The following SPAG6 variants were observed in gnomAD, a reference collection of about 807,000 sequenced individuals.
SPAG6 encodes sperm associated antigen 6.
Under a neutral mutation model 58.5 loss-of-function variants are expected in SPAG6, and 49 were observed. The observed-to-expected ratio is 0.84, with a 90% CI of 0.67 to 1.06. The LOEUF (loss-of-function observed/expected upper bound fraction) is 1.06. Among genes scored for constraint, SPAG6 ranks in the 50% least tolerant of loss-of-function variants. The pLI is 0.00. For missense variants in SPAG6, 560 were observed against 611.3 expected (o/e 0.92, Z 0.89); for synonymous variants, 233 against 225.6 (o/e 1.03, Z -0.29).
intron 9 of SPAG6, 45 bp downstream of exon 9, chr10:22,401,322 TTTG>T (rs1396141311): frequency 4.0e-6 from 4 of 1,003,944 alleles, no homozygotes; most frequent in Non-Finnish European, 4.7e-6. Flanking sequence ...ATTAAAATGA[TTTG>T]TTGTTATTTT....
At chr10:22,372,472 A>G (rs184662264) in intron 4 of SPAG6, among the ~76,000 whole-genome samples, 1 of 152,288 alleles carries the variant, frequency 6.6e-6, no homozygotes, top group Admixed American at 6.5e-5. Flanking sequence ...TCCTCAGCTG[A>G]TGGCTCAGCC....
intron 8 of SPAG6, among the ~76,000 whole-genome samples, chr10:22,400,512 G>T (rs1015720722): frequency 2.0e-5 from 3 of 151,744 alleles, no homozygotes; most frequent in Non-Finnish European, 4.4e-5. Flanking sequence ...AGTGCAGGAG[G>T]GGGTAGAAAT....
At chr10:22,413,705 A>G (rs1309696880) in intron 10 of SPAG6, among the ~76,000 whole-genome samples, 3 of 151,074 alleles carry the variant, frequency 2.0e-5, no homozygotes, top group Admixed American at 2.0e-4. Context: ...ATATATATAT[A>G]TATTTCACCC....
intron 9 of SPAG6, among the ~76,000 whole-genome samples, chr10:22,403,206 C>T (rs1205749861): frequency 1.3e-5 from 2 of 152,010 alleles, no homozygotes; most frequent in Admixed American, 1.3e-4. Flanking sequence ...CATATGTATA[C>T]ATGTGCCGTG....
At chr10:22,396,707 TA>T (rs11362188) in intron 8 of SPAG6, among the ~76,000 whole-genome samples, 25,012 of 151,652 alleles carry the variant, frequency 0.16, 6,262 homozygotes, top group African/African-American at 0.54. Context: ...TGTTAAGAGG[TA>T]AAAAAAATAG....
At chr10:22,409,668 G>C (rs916889205) in intron 9 of SPAG6, among the ~76,000 whole-genome samples, 3 of 152,212 alleles carry the variant, frequency 2.0e-5, no homozygotes, top group African/African-American at 7.2e-5. Flanking sequence ...GAAGGAACAA[G>C]ATCAGAAAAA....
In SPAG6 at chr10:22,416,760, T is replaced by A; in HGVS notation, c.*72T>A. The A allele has an allele frequency of 2.4e-6, 2 of 826,728 alleles. No homozygotes were observed. The allele number at this position is 826,728 out of a possible 1,614,324, so 51.2% of individuals were successfully genotyped here. Reference sequence around the variant, plus strand: ...GTAACAGTAATTAAATCCTTCTAAATATTTGAACTAAGTATATTCTAGATT... The same window carrying A: ...GTAACAGTAATTAAATCCTTCTAAAAATTTGAACTAAGTATATTCTAGATT... On this transcript the variant is annotated 3_prime_UTR_variant, in exon 11 of 11. Coordinates refer to ENST00000376624, the MANE Select transcript of SPAG6 (RefSeq NM_012443.4).
intron 10 of SPAG6, among the ~76,000 whole-genome samples, chr10:22,415,606 A>T (rs1834849461): frequency 6.6e-6 from 1 of 152,210 alleles, no homozygotes; most frequent in African/African-American, 2.4e-5. Context: ...ACTACTAAGA[A>T]AATATGGCTG....
At position 22,345,805 on chromosome 10, in the gene SPAG6, G is replaced by A. The variant is rs1018566986; in HGVS notation, c.108G>A (p.Thr36=). Residue 36 remains threonine (T), a synonymous_variant, in exon 2 of 11, where the codon ACG becomes ACA. Transcript: ENST00000376624. The surrounding 1 kb of genome is among the most constrained non-coding windows in gnomAD (Gnocchi z 6.3). ...CGACTAGACCCCAAAACATCGAGAC[G>A]CTGCAGAACGCGGGTGAGCCCGGAG... ...ELATRPQNIE[T]LQNAGVMSLL... The A allele has an allele frequency of 6.2e-7, 1 of 1,613,236 alleles. No homozygotes were observed. The highest frequency in any genetic ancestry group is 1.3e-5 in the African/African-American group (1 of 74,888).
rs144853045 is a variant in SPAG6, at chr10:22,413,528, G to A, written c.1460+2352G>A. On this transcript the variant is annotated intron_variant, in intron 10 of 10. Transcript: ENST00000376624. ...GGCCTGGGTGACAGAGGGAGACTCC[G>A]TCTCACAAAAAAAAAAAATTAATCT... 9.7e-3 allele frequency among the ~76,000 whole-genome samples: 1,460 copies of A among 150,624 alleles called. 19 individuals are homozygous for A. Among genetic ancestry groups the A allele is most frequent in the Middle Eastern group, 0.045 (13 of 292 alleles).
In SPAG6 at chr10:22,407,314, C is replaced by T. The variant is rs1177335532; in HGVS notation, c.1315-3717C>T. Among the ~76,000 whole-genome samples the T allele has an allele frequency of 4.6e-5, 7 of 151,904 alleles. No homozygotes were observed. In the East Asian group the frequency reaches 7.7e-4, roughly 17 times the overall value. ...CCATGTTTAGCGCTTCCTTCAGGAG[C>T]TCTTTTAGGGCAGGCCTGGTGGTGA... On this transcript the variant is annotated intron_variant, in intron 9 of 10. Transcript: ENST00000376624.
chr10:22,368,402 G>A, intron 3 of SPAG6, 93 bp from the exon 4 acceptor site: 1 of 904,052 alleles, frequency 1.1e-6, no homozygotes, highest in Non-Finnish European at 1.7e-6. Flanking sequence ...TTTATTTATA[G>A]TAATGTTATT....
At chr10:22,406,755 T>G (rs1030703922) in intron 9 of SPAG6, among the ~76,000 whole-genome samples, 3 of 152,180 alleles carry the variant, frequency 2.0e-5, no homozygotes, top group Non-Finnish European at 4.4e-5. Context: ...TCTCCCATTA[T>G]TATTGTGTGG....
intron 4 of SPAG6, among the ~76,000 whole-genome samples, chr10:22,371,513 A>G (rs930013413): frequency 6.6e-6 from 1 of 152,042 alleles, no homozygotes; most frequent in Non-Finnish European, 1.5e-5. Context: ...CGGCCTCCCA[A>G]AGTGCTGGAT....
intron 4 of SPAG6, among the ~76,000 whole-genome samples, chr10:22,380,035 C>T (rs1223566157): frequency 1.3e-5 from 2 of 152,134 alleles, no homozygotes; most frequent in Non-Finnish European, 2.9e-5. Context: ...TGCAAGCAGT[C>T]CTCCCACCTT....
intron 9 of SPAG6, among the ~76,000 whole-genome samples, chr10:22,410,588 G>A (rs183990187): frequency 2.3e-4 from 35 of 152,204 alleles, no homozygotes; most frequent in African/African-American, 5.3e-4. Flanking sequence ...AGGTAGCAGC[G>A]TGGGCAAAGG....
At chr10:22,386,544 A>G (rs1404521748) in intron 4 of SPAG6, among the ~76,000 whole-genome samples, 3 of 152,190 alleles carry the variant, frequency 2.0e-5, no homozygotes, top group Admixed American at 2.0e-4. Context: ...TGTTCATGTA[A>G]ATGGAGGTCC....
intron 4 of SPAG6, among the ~76,000 whole-genome samples, chr10:22,372,180 T>C (rs2132059566): frequency 6.6e-6 from 1 of 152,306 alleles, no homozygotes; most frequent in Admixed American, 6.5e-5. Context: ...GTTGTTATAA[T>C]TGTTCTCTTT....
intron 4 of SPAG6, among the ~76,000 whole-genome samples, chr10:22,383,508 A>G (rs1373741734): frequency 6.6e-6 from 1 of 152,046 alleles, no homozygotes; most frequent in East Asian, 1.9e-4. Flanking sequence ...GCGTGGTGGC[A>G]GTTGCCTGTA....
Sources: allele counts gnomAD v4.1 joint callset (sites outside exome capture counted in the v4.1 genomes callset), GRCh38; gene constraint gnomAD v4.1.1; non-coding constraint Gnocchi (gnomAD v3.1); transcripts MANE v1.5; gene names NCBI Gene and HGNC (gene_info 2026-07-23, HGNC 2026-07-21).